Variants in IPO11 observed in about 807,000 individuals in gnomAD.
IPO11 encodes the protein importin 11, also known as importin-11.
A neutral mutation model predicts 143.2 loss-of-function variants in IPO11; 66 were observed. The observed-to-expected ratio is 0.46, with a 90% CI of 0.38 to 0.57. IPO11 has a LOEUF of 0.57. Among genes scored for constraint, IPO11 ranks in the 20% least tolerant of loss-of-function variants. The pLI, the probability that IPO11 is intolerant of heterozygous loss-of-function variation, is 0.00. For missense variants in IPO11, 1,026 were observed against 1,141.0 expected (o/e 0.90, Z 1.45); for synonymous variants, 385 against 377.8 (o/e 1.02, Z -0.22).
intron 21 of IPO11, 79 bp from the exon 22 acceptor site, chr5:62,530,630 C>A: frequency 1.2e-6 from 1 of 812,520 alleles, no homozygotes; most frequent in Non-Finnish European, 2.1e-6. Flanking sequence ...TAAATGAGAC[C>A]TTTTAAAATA....
intron 1 of IPO11, among the ~76,000 whole-genome samples, chr5:62,417,211 A>G (rs758946416): frequency 9.3e-5 from 14 of 151,042 alleles, no homozygotes; most frequent in African/African-American, 1.7e-4. Flanking sequence ...TGCCACTTCA[A>G]TCTCATGAGT....
At chr5:62,498,020 T>C (rs971339804) in intron 16 of IPO11, among the ~76,000 whole-genome samples, 1 of 151,126 alleles carries the variant, frequency 6.6e-6, no homozygotes, top group Non-Finnish European at 1.5e-5. Flanking sequence ...TGAATATTGT[T>C]TTTTTTTTTT....
chr5:62,568,458 C>T (rs375057100), intron 27 of IPO11, among the ~76,000 whole-genome samples: 3 of 150,030 alleles, frequency 2.0e-5, no homozygotes, highest in African/African-American at 7.4e-5. Context: ...CCTGTAATCC[C>T]AGCTACTCGG....
chr5:62,474,464 A>G lies in IPO11; in HGVS notation c.757A>G (p.Ser253Gly). 1.3e-6 allele frequency: 2 copies of G among 1,577,670 alleles called. No individual in the cohort carries two copies. The highest frequency in any genetic ancestry group is 1.7e-6 in the Non-Finnish European group (2 of 1,165,602). Residue 253 changes from serine to glycine, a missense_variant and splice_region_variant, in exon 8 of 30, where the codon AGT (serine) becomes GGT (glycine). Coordinates refer to ENST00000325324, the MANE Select transcript of IPO11 (RefSeq NM_016338.5). Reference sequence around the variant, plus strand: ...ACGTCTAAAACAGTTTCTGGAATGCAGTAAGTACTTTCGTTGCAGTCCTTT... The same window carrying G: ...ACGTCTAAAACAGTTTCTGGAATGCGGTAAGTACTTTCGTTGCAGTCCTTT... ...FERLKQFLEC[S>G]RSIGTDNVCR...
chr5:62,537,847 A>G (rs566171610), intron 24 of IPO11, among the ~76,000 whole-genome samples: 25 of 152,044 alleles, frequency 1.6e-4, no homozygotes, highest in Non-Finnish European at 3.4e-4. Context: ...ATATATTTAC[A>G]TATAAACATA....
At chr5:62,465,661 G>C (rs1745549706) in intron 5 of IPO11, among the ~76,000 whole-genome samples, 1 of 152,200 alleles carries the variant, frequency 6.6e-6, no homozygotes, top group Non-Finnish European at 1.5e-5. Context: ...ATATATACTT[G>C]AGAATATGCT....
intron 1 of IPO11, among the ~76,000 whole-genome samples, chr5:62,416,531 A>G (rs181938975): frequency 4.6e-5 from 7 of 151,836 alleles, no homozygotes; most frequent in South Asian, 2.1e-4. Flanking sequence ...TTAGGGCCTT[A>G]CCCTAACAAC....
intron 1 of IPO11, among the ~76,000 whole-genome samples, chr5:62,420,062 G>A (rs152188): frequency 0.29 from 43,596 of 151,786 alleles, 6,968 homozygotes; most frequent in East Asian, 0.46. Context: ...AGGCCAAGGC[G>A]GGTGGATCAC....
At chr5:62,504,266 C>A (rs115233730) in intron 16 of IPO11, among the ~76,000 whole-genome samples, 1 of 151,934 alleles carries the variant, frequency 6.6e-6, no homozygotes, top group East Asian at 1.9e-4. Flanking sequence ...TTCTCCTCCC[C>A]ACCTCCTTCC....
intron 2 of IPO11, among the ~76,000 whole-genome samples, chr5:62,439,253 C>G (rs1744359595): frequency 6.8e-6 from 1 of 147,892 alleles, no homozygotes; most frequent in Non-Finnish European, 1.5e-5. Flanking sequence ...GTATTAATAA[C>G]TATACCTTAT....
intron 16 of IPO11, among the ~76,000 whole-genome samples, chr5:62,499,322 G>T (rs982669722): frequency 6.6e-6 from 1 of 152,076 alleles, no homozygotes; most frequent in Non-Finnish European, 1.5e-5. Flanking sequence ...AAACAGAAAA[G>T]GTACAGTAAG....
chr5:62,514,985 G>C (rs1741958118), intron 19 of IPO11, among the ~76,000 whole-genome samples: 1 of 152,068 alleles, frequency 6.6e-6, no homozygotes, highest in East Asian at 1.9e-4. Flanking sequence ...CTTGTGTTCA[G>C]GGCCTGAAAC....
chr5:62,506,241 T>C lies in IPO11; in HGVS notation c.1666T>C (p.Tyr556His), dbSNP rs1223512838. Residue 556 changes from tyrosine to histidine, a missense_variant and splice_region_variant, in exon 19 of 30, where the codon TAT becomes CAT. Transcript: ENST00000325324. ...TTATTTTCTTTCTTTTTACCTGCAGTATTTGGAAACCATGTTCACACTACT... is the reference window on the plus strand; with the variant it reads ...TTATTTTCTTTCTTTTTACCTGCAGCATTTGGAAACCATGTTCACACTACT... Reference protein sequence around the residue: ...FEFRTDQFLPYLETMFTLLFQ... With the variant: ...FEFRTDQFLPHLETMFTLLFQ... 1 of 1,565,126 alleles carries C rather than the reference T, an allele frequency of 6.4e-7. No individual in the cohort carries two copies. Among genetic ancestry groups the C allele is most frequent in the Non-Finnish European group, 8.8e-7 (1 of 1,140,712 alleles).
intron 3 of IPO11, among the ~76,000 whole-genome samples, chr5:62,445,720 A>G (rs1026213026): frequency 6.6e-6 from 1 of 152,134 alleles, no homozygotes. Context: ...TGTTCTGAGC[A>G]TGTTTGAGGT....
chr5:62,496,338 A>G (rs967282326), intron 16 of IPO11, among the ~76,000 whole-genome samples: 6 of 152,142 alleles, frequency 3.9e-5, no homozygotes, highest in Admixed American at 2.0e-4. Flanking sequence ...ACTAGCCCAC[A>G]TGACTAATAC....
At chr5:62,513,212 C>T (rs1184146973) in intron 19 of IPO11, among the ~76,000 whole-genome samples, 18 of 150,734 alleles carry the variant, frequency 1.2e-4, no homozygotes, top group Non-Finnish European at 2.4e-4. Flanking sequence ...CCAGGCGGGG[C>T]GCTGACCCCC....
At chr5:62,513,912 C>T (rs1368153191) in intron 19 of IPO11, among the ~76,000 whole-genome samples, 137 of 148,706 alleles carry the variant, frequency 9.2e-4, no homozygotes, top group African/African-American at 3.3e-3. Flanking sequence ...ACCTCCCAGA[C>T]GGGGTCGCGG....
At position 62,439,538 on chromosome 5, in the gene IPO11, T is replaced by C. The variant is rs1744382608; in HGVS notation, c.138+2121T>C. Among the ~76,000 whole-genome samples, 3 of 151,846 alleles carry C rather than the reference T, an allele frequency of 2.0e-5. No individual in the cohort carries two copies. In the South Asian group the frequency reaches 6.2e-4, roughly 32 times the overall value. On this transcript the variant is annotated intron_variant, in intron 2 of 29. Transcript: ENST00000325324. ...TCTTGGCCTTGTGATCCGCCCGCCT[T>C]GGCCTCCCAAAGTGCTGGGATTACA... is the stretch of plus-strand genomic sequence containing the variant.
chr5:62,540,740 G>A (rs1484885669), intron 24 of IPO11, among the ~76,000 whole-genome samples: 1 of 152,218 alleles, frequency 6.6e-6, no homozygotes, highest in East Asian at 1.9e-4. Context: ...TAGAGTTGAT[G>A]TGAGGAATAC....
Sources: allele counts gnomAD v4.1 joint callset (sites outside exome capture counted in the v4.1 genomes callset), GRCh38; gene constraint gnomAD v4.1.1; transcripts MANE v1.5; gene names NCBI Gene and HGNC (gene_info 2026-07-23, HGNC 2026-07-21).